Variants in LPP observed in about 807,000 individuals in gnomAD.
LPP encodes the protein LIM domain containing preferred translocation partner in lipoma.
LPP carries 38 observed loss-of-function variants against 60.4 expected under a neutral mutation model. The observed-to-expected ratio is 0.63, with a 90% CI of 0.49 to 0.83. The LOEUF is 0.83. Ranked by LOEUF, LPP falls within the 40% of genes least tolerant of loss-of-function variation. The probability of loss-of-function intolerance (pLI) is 0.00; values close to 1 mark genes in which losing one functional copy is unlikely to be tolerated. For synonymous variants in LPP, 328 were observed against 290.8 expected, an observed-to-expected ratio of 1.13 and a Z score of -1.30; for missense variants, 902 against 783.6, an observed-to-expected ratio of 1.15 and a Z score of -1.80.
At chr3:188,561,908 G>A (rs1250817270) in intron 6 of LPP, among the ~76,000 whole-genome samples, 2 of 151,822 alleles carry the variant, frequency 1.3e-5, no homozygotes, top group African/African-American at 4.8e-5. Context: ...GTTTGAAAGT[G>A]CACTTTCTAA....
intron 1 of LPP, among the ~76,000 whole-genome samples, chr3:188,156,012 CT>C (rs943430749): frequency 6.6e-6 from 1 of 151,796 alleles, no homozygotes; most frequent in African/African-American, 2.4e-5. Flanking sequence ...GAGACTGCCT[CT>C]CAAAAAAAAC....
At chr3:188,193,190 G>A (rs1728646311) in intron 1 of LPP, among the ~76,000 whole-genome samples, 1 of 152,148 alleles carries the variant, frequency 6.6e-6, no homozygotes, top group Non-Finnish European at 1.5e-5. Flanking sequence ...GTTGGTTTGT[G>A]TGTCTTTCAT....
chr3:188,614,763 C>T (rs1203764479), intron 7 of LPP, among the ~76,000 whole-genome samples: 2 of 152,150 alleles, frequency 1.3e-5, no homozygotes, highest in South Asian at 2.1e-4. Context: ...TCCTCATCAG[C>T]GCCAGTGTAC....
intron 9 of LPP, among the ~76,000 whole-genome samples, chr3:188,772,620 G>A (rs949507537): frequency 1.3e-5 from 2 of 152,004 alleles, no homozygotes; most frequent in Admixed American, 6.6e-5. Context: ...TCGGCCTCCC[G>A]AGTAGCTGGG....
rs1157949672 is a variant in LPP at position 188,587,615 on chromosome 3, G to T, written c.430-21546G>T. ...TTTTGTATAATAGGCTAATAAAAAG[G>T]CACTGTACTTTGAAACAGCCTTTCG... On this transcript the variant is annotated intron_variant, in intron 6 of 11. Coordinates refer to ENST00000617246, the MANE Select transcript of LPP (RefSeq NM_001375462.1). 2.0e-5 allele frequency among the ~76,000 whole-genome samples: 3 copies of T among 152,076 alleles called. No homozygotes were observed. The East Asian group carries it at 5.8e-4, about 29-fold the overall frequency.
At chr3:188,742,280 C>A (rs1161979305) in intron 8 of LPP, among the ~76,000 whole-genome samples, 1 of 152,100 alleles carries the variant, frequency 6.6e-6, no homozygotes, top group Non-Finnish European at 1.5e-5. Flanking sequence ...CCCAGCAATT[C>A]TCCTCCTTGA....
intron 2 of LPP, among the ~76,000 whole-genome samples, chr3:188,230,214 T>C (rs1226594179): frequency 1.3e-5 from 2 of 151,838 alleles, no homozygotes; most frequent in African/African-American, 4.8e-5. Context: ...GCTGCCCGAG[T>C]AGCTGGGACT....
chr3:188,165,083 G>A (rs555367227), intron 1 of LPP, among the ~76,000 whole-genome samples: 1 of 152,018 alleles, frequency 6.6e-6, no homozygotes, highest in East Asian at 1.9e-4. Flanking sequence ...ACCATCCTGG[G>A]TAATATAGCA....
rs1270964134 is a variant in LPP, at chr3:188,883,130, T to C, written c.*8651T>C. The stretch of plus-strand genomic sequence containing the variant: ...CCAGCCTTTGGGGCATATGTTCTCT[T>C]TGGTGCCACACAAAACCTGTAGTAC... On this transcript the variant is annotated 3_prime_UTR_variant, in exon 12 of 12. Transcript: ENST00000617246. The C allele has an allele frequency of 9.2e-6, 2 of 218,140 alleles. No homozygotes were observed. Among genetic ancestry groups the C allele is most frequent in the Non-Finnish European group, 1.8e-5 (2 of 108,496 alleles). The allele number at this position is 218,140 out of a possible 1,614,324, so 13.5% of individuals were successfully genotyped here.
At chr3:188,623,191 A>T (rs1305281577) in intron 7 of LPP, among the ~76,000 whole-genome samples, 1 of 151,038 alleles carries the variant, frequency 6.6e-6, no homozygotes, top group Non-Finnish European at 1.5e-5. Flanking sequence ...CCAATTAGTT[A>T]TTATTTCCTG....
At chr3:188,324,394 G>C (rs1209786531) in intron 2 of LPP, among the ~76,000 whole-genome samples, 2 of 152,104 alleles carry the variant, frequency 1.3e-5, no homozygotes, top group African/African-American at 4.8e-5. Flanking sequence ...CTCTCCTAGA[G>C]CCTTGGTTCT....
rs1018586588 is a variant in LPP at position 188,795,697 on chromosome 3, C to T, written c.1410+35415C>T. Among the ~76,000 whole-genome samples, 17 of 152,024 alleles carry T rather than the reference C, an allele frequency of 1.1e-4. No individual in the cohort carries two copies. The East Asian group carries it at 3.1e-3, about 28-fold the overall frequency. ...CTAGTCTCTGTCATGCTTTCATCAT[C>T]ATCATCATCATCGTCATCATCATCG... On this transcript the variant is annotated intron_variant, in intron 9 of 11. Coordinates refer to ENST00000617246, the MANE Select transcript of LPP (RefSeq NM_001375462.1).
intron 5 of LPP, among the ~76,000 whole-genome samples, chr3:188,492,508 C>T (rs1400389888): frequency 6.6e-6 from 1 of 151,984 alleles, no homozygotes; most frequent in East Asian, 1.9e-4. Flanking sequence ...CCAGCCTGGC[C>T]AACATGATGA....
intron 6 of LPP, among the ~76,000 whole-genome samples, chr3:188,605,466 A>G (rs1842207885): frequency 6.6e-6 from 1 of 152,146 alleles, no homozygotes; most frequent in Non-Finnish European, 1.5e-5. Context: ...ATCTGTTTTT[A>G]ATATATTGAG....
chr3:188,349,634 G>T (rs1445545835), intron 3 of LPP, among the ~76,000 whole-genome samples: 6 of 152,192 alleles, frequency 3.9e-5, no homozygotes, highest in Non-Finnish European at 7.3e-5. Flanking sequence ...AGTAGCTTCT[G>T]TGGCTCTTTC....
intron 2 of LPP, among the ~76,000 whole-genome samples, chr3:188,231,712 C>A (rs566598259): frequency 4.0e-4 from 61 of 152,248 alleles, no homozygotes; most frequent in Middle Eastern, 3.4e-3. Flanking sequence ...CCGCTCCACA[C>A]AGTCTCTGCT....
At chr3:188,269,173 G>A (rs1736728185) in intron 2 of LPP, among the ~76,000 whole-genome samples, 2 of 152,206 alleles carry the variant, frequency 1.3e-5, no homozygotes. Flanking sequence ...ATAGGTGGCT[G>A]TTTTCTGTGT....
chr3:188,283,518 C>T (rs767162426), intron 2 of LPP, among the ~76,000 whole-genome samples: 10 of 152,130 alleles, frequency 6.6e-5, no homozygotes, highest in East Asian at 1.9e-4. Flanking sequence ...TTGCTACTTG[C>T]GAAACACCTT....
chr3:188,473,776 G>A (rs1802448779), intron 4 of LPP, among the ~76,000 whole-genome samples: 1 of 152,068 alleles, frequency 6.6e-6, no homozygotes, highest in South Asian at 2.1e-4. Context: ...ATACTCTTAA[G>A]GGATATACAT....
Sources: gnomAD v4.1 joint callset for allele counts (sites outside exome capture counted in the v4.1 genomes callset) on GRCh38, gnomAD v4.1.1 for gene constraint, MANE v1.5 for transcripts, NCBI Gene and HGNC (gene_info 2026-07-23, HGNC 2026-07-21) for gene names.